The following PRKN variants were observed in gnomAD, a reference collection of about 807,000 sequenced individuals.
The protein encoded by PRKN is parkin RBR E3 ubiquitin protein ligase, also known as E3 ubiquitin-protein ligase parkin.
In PRKN, 56 loss-of-function variants were observed where a neutral mutation model predicts 59.5. That is an observed-to-expected ratio of 0.94 (90% CI 0.76 to 1.18). The LOEUF is 1.18. Among genes scored for constraint, PRKN ranks in the 50% most tolerant of loss-of-function variants. The pLI, the probability that PRKN is intolerant of heterozygous loss-of-function variation, is 0.00. For synonymous variants in PRKN, 250 were observed against 222.1 expected (o/e 1.13, Z -1.12); for missense variants, 657 against 596.4 (o/e 1.10, Z -1.06).
chr6:162,246,721 G>A (rs971241895), intron 3 of PRKN, among the ~76,000 whole-genome samples: 1 of 152,126 alleles, frequency 6.6e-6, no homozygotes, highest in Non-Finnish European at 1.5e-5. Flanking sequence ...TGGTTTCCCA[G>A]GAAAAGCGTA....
intron 2 of PRKN, among the ~76,000 whole-genome samples, chr6:162,338,353 A>C (rs558876300): frequency 8.4e-4 from 128 of 152,222 alleles, no homozygotes; most frequent in African/African-American, 3.0e-3. Flanking sequence ...GGCTCACTGC[A>C]ACCTCCCTGC....
chr6:162,673,058 T>C (rs1779394271), intron 1 of PRKN, among the ~76,000 whole-genome samples: 1 of 152,218 alleles, frequency 6.6e-6, no homozygotes, highest in South Asian at 2.1e-4. Flanking sequence ...ATATGTAAGT[T>C]ATAAACATAT....
chr6:162,449,099 C>A (rs1436424868), intron 1 of PRKN, among the ~76,000 whole-genome samples: 4 of 152,024 alleles, frequency 2.6e-5, no homozygotes. Flanking sequence ...GTTGGCCAGG[C>A]TGGTCTCGAA....
At chr6:162,517,387 A>C (rs1462070855) in intron 1 of PRKN, among the ~76,000 whole-genome samples, 39 of 151,032 alleles carry the variant, frequency 2.6e-4, no homozygotes, top group Admixed American at 2.0e-3. Flanking sequence ...AGCTGGGACT[A>C]CAGGCACCCG....
chr6:161,934,105 G>T (rs75201499), intron 6 of PRKN, among the ~76,000 whole-genome samples: 118 of 152,296 alleles, frequency 7.7e-4, no homozygotes, highest in African/African-American at 2.6e-3. Context: ...TCACGGGGGC[G>T]CTTCGCCATG....
chr6:162,318,639 T>C (rs1169728293), intron 2 of PRKN, among the ~76,000 whole-genome samples: 2 of 152,036 alleles, frequency 1.3e-5, no homozygotes, highest in Non-Finnish European at 2.9e-5. Context: ...ATAATAGTTA[T>C]CCTAATGGAT....
chr6:162,004,393 G>A (rs1026064649), intron 5 of PRKN, among the ~76,000 whole-genome samples: 7 of 152,126 alleles, frequency 4.6e-5, no homozygotes, highest in Admixed American at 6.6e-5. Context: ...GCAGAACCAT[G>A]AGCCAATTAA....
At chr6:162,069,915 G>A (rs1333841563) in intron 4 of PRKN, among the ~76,000 whole-genome samples, 1 of 152,066 alleles carries the variant, frequency 6.6e-6, no homozygotes, top group Non-Finnish European at 1.5e-5. Flanking sequence ...CGCAAGAGAG[G>A]CAAAAATGAT....
rs1037137040 is a variant in PRKN at position 161,396,917 on chromosome 6, T to C, written c.1084-10040A>G. ...TTACAGACTTTTGTCTTTGGAGGTTTTGCAGCTCCTCAATGATCAATCAAT... is the reference window on the plus strand; with the variant it reads ...TTACAGACTTTTGTCTTTGGAGGTTCTGCAGCTCCTCAATGATCAATCAAT... On this transcript the variant is annotated intron_variant, in intron 9 of 11. Transcript: ENST00000366898. This position sits in a 1 kb window ranked among gnomAD's most constrained non-coding sequence, Gnocchi z 5.4. 3.9e-5 allele frequency among the ~76,000 whole-genome samples: 6 copies of C among 152,182 alleles called. No homozygotes were observed. Among genetic ancestry groups the C allele is most frequent in the Admixed American group, 3.3e-4 (5 of 15,272 alleles).
At chr6:162,457,575 T>C (rs1325535446) in intron 1 of PRKN, among the ~76,000 whole-genome samples, 1 of 152,036 alleles carries the variant, frequency 6.6e-6, no homozygotes, top group Non-Finnish European at 1.5e-5. Context: ...AAATAGAAGC[T>C]AAAATCACAA....
Position 161,549,430 on chromosome 6 carries a change from T to A in PRKN, c.934-427A>T, listed in dbSNP as rs1342258807. On this transcript the variant is annotated intron_variant, in intron 8 of 11. Transcript: ENST00000366898. This position sits in a 1 kb window ranked among gnomAD's most constrained non-coding sequence, Gnocchi z 6.0. Reference sequence around the variant, plus strand: ...ATAAAGCAATATATTGTCATGCCTCTATTTAAAATTCAACAAGGTTTTATA... The same window carrying A: ...ATAAAGCAATATATTGTCATGCCTCAATTTAAAATTCAACAAGGTTTTATA... Among the ~76,000 whole-genome samples the A allele has an allele frequency of 2.6e-5, 4 of 152,204 alleles. No homozygotes were observed.
At chr6:162,556,342 G>GGTGTGT (rs202002846) in intron 1 of PRKN, among the ~76,000 whole-genome samples, 784 of 57,054 alleles carry the variant, frequency 0.014, 21 homozygotes, top group East Asian at 0.062. Context: ...CTACTCAGCT[G>GGTGTGT]GTGTGTGTGT....
Position 161,357,789 on chromosome 6 carries a change from C to T in PRKN, c.1285+2299G>A, listed in dbSNP as rs1459853131. ...CACTGAGGATGGATGTAAACCTTTC[C>T]GCCATGCCTTCATAACCTTCATCCA... On this transcript the variant is annotated intron_variant, in intron 11 of 11. Transcript: ENST00000366898. The surrounding 1 kb of genome is among the most constrained non-coding windows in gnomAD (Gnocchi z 5.5). 2.0e-5 allele frequency among the ~76,000 whole-genome samples: 3 copies of T among 152,158 alleles called. No homozygotes were observed. Among genetic ancestry groups the T allele is most frequent in the Non-Finnish European group, 1.5e-5 (1 of 68,038 alleles).
At chr6:162,606,830 C>T (rs1010960921) in intron 1 of PRKN, among the ~76,000 whole-genome samples, 2 of 152,158 alleles carry the variant, frequency 1.3e-5, no homozygotes, top group East Asian at 3.9e-4. Context: ...GATTCTCCTG[C>T]CTCAGCCTCC....
chr6:162,360,381 AT>A (rs1345309841), intron 2 of PRKN, among the ~76,000 whole-genome samples: 1 of 152,146 alleles, frequency 6.6e-6, no homozygotes, highest in African/African-American at 2.4e-5. Context: ...TAACATTTGC[AT>A]TTATTCAGTT....
Position 161,410,408 on chromosome 6 carries a change from G to A in PRKN, c.1084-23531C>T, listed in dbSNP as rs1469939651. Reference sequence around the variant, plus strand: ...TGGGGGAAGCACGTACAATCCCTGAGCTATGAACAGTGGCACCAGCTTTTA... The same window carrying A: ...TGGGGGAAGCACGTACAATCCCTGAACTATGAACAGTGGCACCAGCTTTTA... On this transcript the variant is annotated intron_variant, in intron 9 of 11. Coordinates refer to ENST00000366898, the MANE Select transcript of PRKN (RefSeq NM_004562.3). This position sits in a 1 kb window ranked among gnomAD's most constrained non-coding sequence, Gnocchi z 5.3. Among the ~76,000 whole-genome samples the A allele has an allele frequency of 1.3e-5, 2 of 152,122 alleles. No individual in the cohort carries two copies. Among genetic ancestry groups the A allele is most frequent in the African/African-American group, 4.8e-5 (2 of 41,406 alleles).
chr6:162,444,490 G>GA (rs112386206), intron 1 of PRKN, among the ~76,000 whole-genome samples: 295 of 146,268 alleles, frequency 2.0e-3, no homozygotes, highest in African/African-American at 4.7e-3. Flanking sequence ...AATGCTCCCA[G>GA]AAAAAAAAAA....
chr6:162,007,504 C>A (rs912347760), intron 5 of PRKN, among the ~76,000 whole-genome samples: 1 of 152,040 alleles, frequency 6.6e-6, no homozygotes, highest in African/African-American at 2.4e-5. Context: ...AAATGAAAAA[C>A]CAAGCTTAAT....
chr6:162,549,639 C>CT (rs10553695), intron 1 of PRKN, among the ~76,000 whole-genome samples: 10 of 122,558 alleles, frequency 8.2e-5, no homozygotes, highest in East Asian at 2.4e-4. Context: ...ATGCGATAAT[C>CT]TTTTTTTTTT....
Sources: allele counts gnomAD v4.1 joint callset (sites outside exome capture counted in the v4.1 genomes callset), GRCh38; gene constraint gnomAD v4.1.1; non-coding constraint Gnocchi (gnomAD v3.1); transcripts MANE v1.5; gene names NCBI Gene and HGNC (gene_info 2026-07-23, HGNC 2026-07-21).